The following NFASC variants were observed in gnomAD, a reference collection of about 807,000 sequenced individuals.
The protein encoded by NFASC is neurofascin homolog.
In NFASC, 43 loss-of-function variants were observed where a neutral mutation model predicts 147.5. The ratio of observed to expected loss-of-function variants is 0.29; its 90% CI spans 0.23 to 0.38. The LOEUF (loss-of-function observed/expected upper bound fraction) is 0.38. NFASC is among the 10% of genes least tolerant of loss of function. The pLI is 1.00. For missense variants in NFASC, 1,320 were observed against 1,689.0 expected, an observed-to-expected ratio of 0.78 and a Z score of 3.83; for synonymous variants, 622 against 665.5, an observed-to-expected ratio of 0.93 and a Z score of 1.01.
At chr1:204,890,189 C>T (rs1009321121) in intron 1 of NFASC, among the ~76,000 whole-genome samples, 4 of 152,126 alleles carry the variant, frequency 2.6e-5, no homozygotes, top group Admixed American at 6.5e-5. Context: ...GGAGGCTGTG[C>T]GATGACCCCT....
chr1:204,889,083 G>C (rs2081896865), intron 1 of NFASC, among the ~76,000 whole-genome samples: 1 of 152,188 alleles, frequency 6.6e-6, no homozygotes, highest in South Asian at 2.1e-4. Flanking sequence ...GAACGACCAG[G>C]CTTTGGTTTT....
At position 205,016,613 on chromosome 1, in the gene NFASC, C is replaced by A; in HGVS notation, c.*74C>A. The A allele has an allele frequency of 9.3e-7, 1 of 1,075,474 alleles. No homozygotes were observed. 66.6% of individuals were successfully genotyped at this position (1,075,474 alleles called of 1,614,324 possible). On this transcript the variant is annotated 3_prime_UTR_variant, in exon 30 of 30. Transcript: ENST00000339876. This position sits in a 1 kb window ranked among gnomAD's most constrained non-coding sequence, Gnocchi z 5.1. ...GAAGGGGAGACAAAACCACTGCAGA[C>A]CTACCACGAAGCCACCACCACCTTC...
chr1:204,991,375 G>A, intron 24 of NFASC, 69 bp downstream of exon 24: 4 of 1,540,962 alleles, frequency 2.6e-6, no homozygotes, highest in South Asian at 1.2e-5. Context: ...GCCCAGCCAG[G>A]GCGGACAAGG....
chr1:204,962,248 T>C, intron 8 of NFASC: 2 of 1,156,734 alleles, frequency 1.7e-6, no homozygotes, highest in South Asian at 1.3e-5. Flanking sequence ...TAACTCCTGC[T>C]GGGTGGCAGC....
chr1:204,959,763 G>A (rs2094581449), intron 8 of NFASC, among the ~76,000 whole-genome samples: 1 of 152,272 alleles, frequency 6.6e-6, no homozygotes, highest in South Asian at 2.1e-4. Flanking sequence ...GTGGTGAAGA[G>A]TCTTCCTCTG....
In NFASC at chr1:204,987,214, C is replaced by T. The variant is rs907690446; in HGVS notation, c.2471-204C>T. The T allele has an allele frequency of 5.1e-6, 3 of 586,752 alleles. No homozygotes were observed. The highest frequency in any genetic ancestry group is 1.9e-5 in the African/African-American group (1 of 53,580). The allele number at this position is 586,752 out of a possible 1,614,324, so 36.3% of individuals were successfully genotyped here. ...ATAGCAGAGTCTGAGCTATGTTTGTCCTCAGACCTGAAGGAAATAGCATCC... is the reference window on the plus strand; with the variant it reads ...ATAGCAGAGTCTGAGCTATGTTTGTTCTCAGACCTGAAGGAAATAGCATCC... On this transcript the variant is annotated intron_variant, in intron 21 of 29. Coordinates refer to ENST00000339876, the MANE Select transcript of NFASC (RefSeq NM_001005388.3). This position sits in a 1 kb window ranked among gnomAD's most constrained non-coding sequence, Gnocchi z 4.4.
intron 3 of NFASC, chr1:204,944,844 G>A (rs1009053497): frequency 4.4e-5 from 7 of 160,186 alleles, no homozygotes; most frequent in African/African-American, 1.4e-4. Context: ...CACACCCTTC[G>A]GGCCCTCTTG....
chr1:204,946,108 A>T (rs1484670162), intron 3 of NFASC, among the ~76,000 whole-genome samples: 1 of 152,056 alleles, frequency 6.6e-6, no homozygotes, highest in Non-Finnish European at 1.5e-5. Flanking sequence ...GAGTGCCCTG[A>T]TCTCCCCACC....
intron 1 of NFASC, among the ~76,000 whole-genome samples, chr1:204,876,438 A>G (rs1189089854): frequency 1.3e-5 from 2 of 152,224 alleles, no homozygotes; most frequent in Admixed American, 6.5e-5. Flanking sequence ...TTATTTCATC[A>G]TGGTAAAATA....
chr1:204,943,281 G>A (rs537919390), intron 2 of NFASC, among the ~76,000 whole-genome samples: 1 of 152,320 alleles, frequency 6.6e-6, no homozygotes, highest in Admixed American at 6.5e-5. Context: ...AGTCTCAGCT[G>A]TAGGCCATTC....
intron 1 of NFASC, among the ~76,000 whole-genome samples, chr1:204,877,641 G>T (rs980592077): frequency 6.6e-6 from 1 of 152,132 alleles, no homozygotes; most frequent in Non-Finnish European, 1.5e-5. Context: ...CCATGCAGTC[G>T]ATCGGGGGAC....
chr1:204,994,182 C>T (rs1382309903), intron 24 of NFASC, among the ~76,000 whole-genome samples: 1 of 152,212 alleles, frequency 6.6e-6, no homozygotes, highest in Admixed American at 6.5e-5. Context: ...CCCCTTTCCT[C>T]TCTCTCATCT....
intron 1 of NFASC, among the ~76,000 whole-genome samples, chr1:204,856,389 G>GTGTA (rs2076163334): frequency 1.3e-5 from 2 of 149,610 alleles, no homozygotes; most frequent in African/African-American, 4.9e-5. Flanking sequence ...ACAGGTGTGT[G>GTGTA]TGTGTGTGTG....
chr1:204,979,557 C>T lies in NFASC; in HGVS notation c.2174C>T (p.Ala725Val), dbSNP rs2095473107. ...TCCGAGCGCTACCGAACCAGTGGAG[C>T]ACGTGAGTACCCGAGGGCTGCCAGA... ...LPSERYRTSG[A>V]PPESNPGDVK... Residue 725 changes from alanine to valine, a missense_variant and splice_region_variant, in exon 19 of 30, where the codon GCA (alanine) becomes GTA (valine). This residue lies in a region of NFASC where 981 missense variants were observed against 1,289.5 expected (regional missense o/e 0.76). Coordinates refer to ENST00000339876, the MANE Select transcript of NFASC (RefSeq NM_001005388.3). The surrounding 1 kb of genome is among the most constrained non-coding windows in gnomAD (Gnocchi z 6.0). The T allele has an allele frequency of 1.9e-6, 3 of 1,613,534 alleles. No individual in the cohort carries two copies. The highest frequency in any genetic ancestry group is 2.2e-5 in the East Asian group (1 of 44,894).
chr1:204,981,557 G>C (rs2095509413), intron 20 of NFASC, among the ~76,000 whole-genome samples: 1 of 152,272 alleles, frequency 6.6e-6, no homozygotes, highest in African/African-American at 2.4e-5. Flanking sequence ...CAGAGTCAGA[G>C]TAACTGGGTC....
intron 2 of NFASC, 90 bp from the exon 3 acceptor site, chr1:204,944,136 G>A: frequency 9.0e-7 from 1 of 1,110,656 alleles, no homozygotes; most frequent in South Asian, 1.4e-5. Context: ...TGACCAAGGG[G>A]GCTCTTCGGT....
intron 7 of NFASC, 70 bp from the exon 8 acceptor site, chr1:204,957,586 G>T (rs578214597): frequency 1.0e-5 from 15 of 1,478,724 alleles, no homozygotes; most frequent in Admixed American, 8.5e-5. Context: ...GTGTTCTGTC[G>T]CCAGGACTGC....
At chr1:204,994,589 A>G (rs1415196749) in intron 24 of NFASC, among the ~76,000 whole-genome samples, 3 of 152,198 alleles carry the variant, frequency 2.0e-5, no homozygotes, top group Admixed American at 6.5e-5. Flanking sequence ...ACCTGTAGGA[A>G]GGGAGGCCCA....
intron 1 of NFASC, among the ~76,000 whole-genome samples, chr1:204,862,242 C>G (rs61098185): frequency 6.6e-6 from 1 of 152,128 alleles, no homozygotes; most frequent in African/African-American, 2.4e-5. Flanking sequence ...AAAAAAATTA[C>G]CATCTACCCT....
Sources: allele counts gnomAD v4.1 joint callset (sites outside exome capture counted in the v4.1 genomes callset), GRCh38; gene constraint gnomAD v4.1.1; regional missense constraint gnomAD v4.1.1; non-coding constraint Gnocchi (gnomAD v3.1); transcripts MANE v1.5; gene names NCBI Gene and HGNC (gene_info 2026-07-23, HGNC 2026-07-21).